The following CALM3 variants were observed in gnomAD, a reference collection of about 807,000 sequenced individuals.
CALM3 encodes calmodulin 3, also known as calmodulin-3.
A neutral mutation model predicts 20.1 loss-of-function variants in CALM3; 5 were observed. That is an observed-to-expected ratio of 0.25 (90% confidence interval 0.13 to 0.52). The LOEUF (loss-of-function observed/expected upper bound fraction) is 0.52, where lower values mean the gene tolerates loss of function less well. CALM3 is among the 20% of genes least tolerant of loss of function. The probability of loss-of-function intolerance (pLI) is 0.96; values close to 1 mark genes in which losing one functional copy is unlikely to be tolerated. For missense variants in CALM3, 57 were observed against 192.8 expected (o/e 0.30, Z 4.17); for synonymous variants, 69 against 68.1 (o/e 1.01, Z -0.06).
Position 46,609,332 on chromosome 19 carries a change from T to A in CALM3, c.*179T>A. The A allele has an allele frequency of 1.5e-6, 1 of 658,928 alleles. No homozygotes were observed. The highest frequency in any genetic ancestry group is 2.7e-6 in the Non-Finnish European group (1 of 369,232). The allele number at this position is 658,928 out of a possible 1,614,324, so 40.8% of individuals were successfully genotyped here. A position where few individuals can be genotyped will look rare whatever the true frequency, so the allele number is the denominator to read the frequency against. On this transcript the variant is annotated 3_prime_UTR_variant, in exon 6 of 6. Transcript: ENST00000291295. ...CTGCATGATTGCTCTTTCTCCTTCT[T>A]CCCTGAGTCTCTCTCCATGCCCCTC...
chr19:46,609,429 T>C lies in CALM3; in HGVS notation c.*276T>C. 1 of 524,820 alleles carries C rather than the reference T, an allele frequency of 1.9e-6. No individual in the cohort carries two copies. Among genetic ancestry groups the C allele is most frequent in the Non-Finnish European group, 3.4e-6 (1 of 294,836 alleles). The allele number at this position is 524,820 out of a possible 1,614,324, so 32.5% of individuals were successfully genotyped here. Reference sequence around the variant, plus strand: ...CTGATGCATTCATAAGTTGAAGCCCTCCCCAGATCCCCTTGGGGAGCCTCT... The same window carrying C: ...CTGATGCATTCATAAGTTGAAGCCCCCCCCAGATCCCCTTGGGGAGCCTCT... On this transcript the variant is annotated 3_prime_UTR_variant, in exon 6 of 6. Coordinates refer to ENST00000291295, the MANE Select transcript of CALM3 (RefSeq NM_005184.4).
At position 46,605,727 on chromosome 19, in the gene CALM3, T is replaced by G; in HGVS notation, c.4-100T>G. Reference sequence around the variant, plus strand: ...TCCCTGGCCCGGCGGGAATGGCACGTGGAGCTGGCCTCACTGGGGCCGAGG... The same window carrying G: ...TCCCTGGCCCGGCGGGAATGGCACGGGGAGCTGGCCTCACTGGGGCCGAGG... On this transcript the variant is annotated intron_variant, in intron 1 of 5. Coordinates refer to ENST00000291295, the MANE Select transcript of CALM3 (RefSeq NM_005184.4). The surrounding 1 kb of genome is among the most constrained non-coding windows in gnomAD (Gnocchi z 4.1). 3.4e-6 allele frequency: 4 copies of G among 1,169,592 alleles called. No homozygotes were observed. The highest frequency in any genetic ancestry group is 1.2e-5 in the South Asian group (1 of 80,576). The allele number at this position is 1,169,592 out of a possible 1,614,324, so 72.5% of individuals were successfully genotyped here.
At chr19:46,602,292 A>T in intron 1 of CALM3, 1 of 1,070,082 alleles carries the variant, frequency 9.3e-7, no homozygotes, top group Non-Finnish European at 1.3e-6. Flanking sequence ...TTCCGAGGTT[A>T]CTAGTGGGTT....
chr19:46,606,070 C>T (rs1971736449), intron 2 of CALM3: 2 of 538,216 alleles, frequency 3.7e-6, no homozygotes, highest in South Asian at 2.1e-5. Flanking sequence ...CAGGCCTTTA[C>T]CAGACACCAA....
In CALM3 at chr19:46,609,098, C is replaced by T. The variant is rs1162219282; in HGVS notation, c.422-27C>T. ...TCGCCACTTAGCCTGCCCGCCTGAC[C>T]TCCTCTCTCTCTGCTTCACTCCACA... is the stretch of plus-strand genomic sequence containing the variant. On this transcript the variant is annotated intron_variant, in intron 5 of 5. Transcript: ENST00000291295. 1.9e-6 allele frequency: 3 copies of T among 1,613,890 alleles called. No individual in the cohort carries two copies. The Admixed American group carries it at 5.0e-5, about 27-fold the overall frequency.
Position 46,601,503 on chromosome 19 carries a change from T to C in CALM3, c.3+66T>C. The C allele has an allele frequency of 7.4e-7, 1 of 1,358,810 alleles. No homozygotes were observed. Among genetic ancestry groups the C allele is most frequent in the South Asian group, 1.6e-5 (1 of 62,470 alleles). 84.2% of individuals were successfully genotyped at this position (1,358,810 alleles called of 1,614,324 possible). ...GGCGGGCTTAACGGGGCAGGACCCCTGAGGGGGCGACAGAGCCCAGAGTGG... is the reference window on the plus strand; with the variant it reads ...GGCGGGCTTAACGGGGCAGGACCCCCGAGGGGGCGACAGAGCCCAGAGTGG... On this transcript the variant is annotated intron_variant, in intron 1 of 5. Coordinates refer to ENST00000291295, the MANE Select transcript of CALM3 (RefSeq NM_005184.4). The surrounding 1 kb of genome is among the most constrained non-coding windows in gnomAD (Gnocchi z 4.2).
rs1206431452 is a variant in CALM3 at position 46,605,594 on chromosome 19, G to A, written c.4-233G>A. Among the ~76,000 whole-genome samples, 3 of 152,224 alleles carry A rather than the reference G, an allele frequency of 2.0e-5. No homozygotes were observed. The highest frequency in any genetic ancestry group is 2.9e-5 in the Non-Finnish European group (2 of 68,036). ...TCTGGGCAGCTTCATCGGGCCGTGC[G>A]TCCAGCAGGCCTGAGTGTCCAGCCC... On this transcript the variant is annotated intron_variant, in intron 1 of 5. Coordinates refer to ENST00000291295, the MANE Select transcript of CALM3 (RefSeq NM_005184.4). This position sits in a 1 kb window ranked among gnomAD's most constrained non-coding sequence, Gnocchi z 4.1.
intron 1 of CALM3, chr19:46,602,192 G>A: frequency 7.4e-7 from 1 of 1,355,558 alleles, no homozygotes; most frequent in South Asian, 1.2e-5. Context: ...CAGGGTCGTG[G>A]AGGTGGTGAA....
Position 46,601,744 on chromosome 19 carries a change from A to T in CALM3, c.3+307A>T, listed in dbSNP as rs1971622277. 6.6e-6 allele frequency among the ~76,000 whole-genome samples: 1 copy of T among 152,160 alleles called. No individual in the cohort carries two copies. The highest frequency in any genetic ancestry group is 1.5e-5 in the Non-Finnish European group (1 of 68,036). On this transcript the variant is annotated intron_variant, in intron 1 of 5. Transcript: ENST00000291295. This position sits in a 1 kb window ranked among gnomAD's most constrained non-coding sequence, Gnocchi z 4.2. ...CGGGACCCTCAGTGGGACCCCTCAA[A>T]AGGATTTTGGACCCAGGATGGGGCG...
At chr19:46,607,589 C>T (rs961940085) in intron 2 of CALM3, among the ~76,000 whole-genome samples, 1 of 152,232 alleles carries the variant, frequency 6.6e-6, no homozygotes, top group South Asian at 2.1e-4. Flanking sequence ...CCATCAACCC[C>T]ACGCACTGTC....
chr19:46,601,397 A>T lies in CALM3; in HGVS notation c.-38A>T. The T allele has an allele frequency of 6.6e-7, 1 of 1,504,672 alleles. No homozygotes were observed. Among genetic ancestry groups the T allele is most frequent in the Non-Finnish European group, 8.9e-7 (1 of 1,129,338 alleles). The allele number at this position is 1,504,672 out of a possible 1,614,324, so 93.2% of individuals were successfully genotyped here. A position where few individuals can be genotyped will look rare whatever the true frequency, so the allele number is the denominator to read the frequency against. ...TGCAGCTGCTGCCGCCGCCGGAGGA[A>T]CCTTGATCCCCGTGCTCCGGACACC... On this transcript the variant is annotated 5_prime_UTR_variant, in exon 1 of 6. Transcript: ENST00000291295. This position sits in a 1 kb window ranked among gnomAD's most constrained non-coding sequence, Gnocchi z 4.2.
At position 46,608,312 on chromosome 19, in the gene CALM3, G is replaced by A; in HGVS notation, c.150G>A (p.Gln50=). The change falls in exon 3 of 6, where the codon CAG becomes CAA. Residue 50 remains glutamine (Q), a synonymous_variant. Coordinates refer to ENST00000291295, the MANE Select transcript of CALM3 (RefSeq NM_005184.4). The surrounding 1 kb of genome is among the most constrained non-coding windows in gnomAD (Gnocchi z 5.5). The stretch of plus-strand genomic sequence containing the variant: ...AGAACCCCACTGAAGCAGAGCTGCA[G>A]GATATGATCAATGAGGTGGATGCAG... The part of the protein sequence containing the change: ...LGQNPTEAEL[Q]DMINEVDADG... 6.2e-7 allele frequency: 1 copy of A among 1,614,208 alleles called. No individual in the cohort carries two copies. The highest frequency in any genetic ancestry group is 8.5e-7 in the Non-Finnish European group (1 of 1,180,034).
chr19:46,609,423 A>C lies in CALM3; in HGVS notation c.*270A>C. The C allele has an allele frequency of 3.7e-6, 2 of 541,298 alleles. No individual in the cohort carries two copies. The highest frequency in any genetic ancestry group is 2.5e-5 in the South Asian group (1 of 40,022). The allele number at this position is 541,298 out of a possible 1,614,324, so 33.5% of individuals were successfully genotyped here. ...CAAGGCCTGATGCATTCATAAGTTG[A>C]AGCCCTCCCCAGATCCCCTTGGGGA... On this transcript the variant is annotated 3_prime_UTR_variant, in exon 6 of 6. Transcript: ENST00000291295.
chr19:46,608,700 G>C lies in CALM3; in HGVS notation c.285+112G>C, dbSNP rs965791663. 1.0e-5 allele frequency: 13 copies of C among 1,257,678 alleles called. No individual in the cohort carries two copies. Among genetic ancestry groups the C allele is most frequent in the Non-Finnish European group, 1.5e-5 (13 of 893,514 alleles). The allele number at this position is 1,257,678 out of a possible 1,614,324, so 77.9% of individuals were successfully genotyped here. The stretch of plus-strand genomic sequence containing the variant: ...CCAGGAGGTCCGGGTCCCGGTGCCA[G>C]CCTCATTGCCAACCTGCTCTGCCAC... On this transcript the variant is annotated intron_variant, in intron 4 of 5. Transcript: ENST00000291295. This position sits in a 1 kb window ranked among gnomAD's most constrained non-coding sequence, Gnocchi z 5.5.
intron 1 of CALM3, chr19:46,602,531 C>T (rs1971650315): frequency 3.6e-6 from 1 of 275,932 alleles, no homozygotes; most frequent in South Asian, 3.2e-5. Flanking sequence ...ACAAAGACGG[C>T]TCAGTGTGGA....
In CALM3 at chr19:46,605,694, C is replaced by T; in HGVS notation, c.4-133C>T. The T allele has an allele frequency of 1.3e-6, 1 of 776,922 alleles. No homozygotes were observed. Among genetic ancestry groups the T allele is most frequent in the Non-Finnish European group, 2.2e-6 (1 of 452,092 alleles). The allele number at this position is 776,922 out of a possible 1,614,324, so 48.1% of individuals were successfully genotyped here. A position where few individuals can be genotyped will look rare whatever the true frequency, so the allele number is the denominator to read the frequency against. ...GCTCTGCCTCAGACCCTGACTCTGG[C>T]ATGCTCCTCCCTGGCCCGGCGGGAA... On this transcript the variant is annotated intron_variant, in intron 1 of 5. Coordinates refer to ENST00000291295, the MANE Select transcript of CALM3 (RefSeq NM_005184.4). This position sits in a 1 kb window ranked among gnomAD's most constrained non-coding sequence, Gnocchi z 4.1.
upstream of CALM3, chr19:46,601,308 G>A: frequency 9.2e-6 from 8 of 870,926 alleles, no homozygotes; most frequent in Non-Finnish European, 1.2e-5. This position sits in a 1 kb window ranked among gnomAD's most constrained non-coding sequence, Gnocchi z 4.2. Flanking sequence ...AGGCGGCGGC[G>A]GCGGCGGCGC....
Position 46,609,175 on chromosome 19 carries a change from ATGCCCGT to A in CALM3, c.*24_*30del. The A allele has an allele frequency of 6.2e-7, 1 of 1,612,672 alleles. No homozygotes were observed. The highest frequency in any genetic ancestry group is 2.2e-5 in the East Asian group (1 of 44,840). Reference sequence around the variant, plus strand: ...GTGAAGGCCCCCCGGGCAGCTGGCGATGCCCGTTCTCTTGATCTCTCTCTTCTCGCGC... The same window carrying A: ...GTGAAGGCCCCCCGGGCAGCTGGCGATCTCTTGATCTCTCTCTTCTCGCGC... On this transcript the variant is annotated 3_prime_UTR_variant, in exon 6 of 6. Coordinates refer to ENST00000291295, the MANE Select transcript of CALM3 (RefSeq NM_005184.4).
At position 46,608,685 on chromosome 19, in the gene CALM3, C is replaced by A; in HGVS notation, c.285+97C>A. 7.8e-7 allele frequency: 1 copy of A among 1,284,810 alleles called. No individual in the cohort carries two copies. The highest frequency in any genetic ancestry group is 1.1e-6 in the Non-Finnish European group (1 of 908,960). The allele number at this position is 1,284,810 out of a possible 1,614,324, so 79.6% of individuals were successfully genotyped here. ...ACGGAGCTACCACTTCCAGGAGGTC[C>A]GGGTCCCGGTGCCAGCCTCATTGCC... On this transcript the variant is annotated intron_variant, in intron 4 of 5. Transcript: ENST00000291295. This position sits in a 1 kb window ranked among gnomAD's most constrained non-coding sequence, Gnocchi z 5.5.
Sources: gnomAD v4.1 joint callset for allele counts (sites outside exome capture counted in the v4.1 genomes callset) on GRCh38, gnomAD v4.1.1 for gene constraint, Gnocchi (gnomAD v3.1) non-coding constraint, MANE v1.5 for transcripts, NCBI Gene and HGNC (gene_info 2026-07-23, HGNC 2026-07-21) for gene names.